Variants in MFHAS1 observed in about 807,000 individuals in gnomAD.
MFHAS1 encodes malignant fibrous histiocytoma-amplified sequence 1.
MFHAS1 carries 50 observed loss-of-function variants against 70.4 expected under a neutral mutation model. The ratio of observed to expected loss-of-function variants is 0.71; its 90% CI spans 0.57 to 0.90. The LOEUF (loss-of-function observed/expected upper bound fraction) is 0.90, where lower values mean the gene tolerates loss of function less well. MFHAS1 is among the 40% of genes least tolerant of loss of function. MFHAS1 has a pLI of 0.00. For missense variants in MFHAS1, 1,795 were observed against 1,347.6 expected (o/e 1.33, Z -5.20); for synonymous variants, 952 against 620.0 (o/e 1.54, Z -7.96).
At chr8:8,858,979 T>A (rs332031) in intron 1 of MFHAS1, among the ~76,000 whole-genome samples, 24,460 of 152,240 alleles carry the variant, frequency 0.16, 2,311 homozygotes, top group African/African-American at 0.26. Context: ...CCAGCGGATG[T>A]TACTTCTTAC....
intron 2 of MFHAS1, among the ~76,000 whole-genome samples, chr8:8,787,111 C>G (rs576184548): frequency 1.3e-5 from 2 of 148,810 alleles, no homozygotes; most frequent in African/African-American, 2.5e-5. Context: ...GACAGAGTCT[C>G]GCTCTGTTGC....
chr8:8,838,721 G>C (rs1178407812), intron 1 of MFHAS1, among the ~76,000 whole-genome samples: 1 of 151,566 alleles, frequency 6.6e-6, no homozygotes, highest in African/African-American at 2.4e-5. Flanking sequence ...GGTGAGGCAG[G>C]AGAATCGGTT....
At chr8:8,835,360 C>A (rs1278089376) in intron 1 of MFHAS1, among the ~76,000 whole-genome samples, 1 of 152,162 alleles carries the variant, frequency 6.6e-6, no homozygotes, top group Non-Finnish European at 1.5e-5. Context: ...TAAACACTAT[C>A]CTGTCCCACG....
chr8:8,861,874 C>A (rs1165469420), intron 1 of MFHAS1, among the ~76,000 whole-genome samples: 2 of 152,198 alleles, frequency 1.3e-5, no homozygotes, highest in Non-Finnish European at 2.9e-5. Flanking sequence ...TGAGAGTCAT[C>A]CATGTCGCTT....
intron 1 of MFHAS1, among the ~76,000 whole-genome samples, chr8:8,827,866 G>C (rs1807222497): frequency 6.6e-6 from 1 of 151,936 alleles, no homozygotes; most frequent in Non-Finnish European, 1.5e-5. Flanking sequence ...ATTTTTATGA[G>C]TTCATTATTT....
intron 1 of MFHAS1, among the ~76,000 whole-genome samples, chr8:8,858,763 G>A (rs1016259843): frequency 6.6e-6 from 1 of 152,074 alleles, no homozygotes; most frequent in South Asian, 2.1e-4. Flanking sequence ...ATGCACAGGT[G>A]GCGTCGAGGT....
intron 1 of MFHAS1, among the ~76,000 whole-genome samples, chr8:8,840,023 T>C (rs1320084524): frequency 1.3e-5 from 2 of 152,212 alleles, no homozygotes; most frequent in South Asian, 2.1e-4. Context: ...CATATACGTA[T>C]ATATACACAT....
Position 8,891,697 on chromosome 8 carries a change from C to G in MFHAS1, c.1362G>C (p.Val454=), listed in dbSNP as rs1273428099. The change falls in exon 1 of 3, where the codon GTG becomes GTC. Residue 454 remains valine, a synonymous_variant. Coordinates refer to ENST00000276282, the MANE Select transcript of MFHAS1 (RefSeq NM_004225.3). This position sits in a 1 kb window ranked among gnomAD's most constrained non-coding sequence, Gnocchi z 5.4. ...AGCTGGTCACCTCGATGCCCTTGCT[C>G]ACAGGGGGAGGTGACGGTGGGTAGC... ...EKCYPPSPPP[V]SKGIEVTSWT... is the part of the protein sequence containing the mutation. 3.1e-6 allele frequency: 5 copies of G among 1,613,534 alleles called. No individual in the cohort carries two copies. Among genetic ancestry groups the G allele is most frequent in the Non-Finnish European group, 4.2e-6 (5 of 1,180,026 alleles).
intron 1 of MFHAS1, among the ~76,000 whole-genome samples, chr8:8,868,465 C>T (rs566050368): frequency 5.3e-5 from 8 of 151,334 alleles, no homozygotes; most frequent in East Asian, 3.9e-4. Context: ...TAGTGCCACT[C>T]GGCTAATACA....
chr8:8,876,390 T>C (rs2116919695), intron 1 of MFHAS1, among the ~76,000 whole-genome samples: 1 of 152,290 alleles, frequency 6.6e-6, no homozygotes, highest in South Asian at 2.1e-4. Flanking sequence ...GAAACTTTGA[T>C]AAGTTGGCAG....
rs192989532 is a variant in MFHAS1, at chr8:8,847,074, T to C, written c.2998+42987A>G. ...ACTCAGAAAAACAATTGTCTTAGAT[T>C]TTTCAGAGGAATCACCAAAATGAGG... On this transcript the variant is annotated intron_variant, in intron 1 of 2. Transcript: ENST00000276282. 2.2e-3 allele frequency among the ~76,000 whole-genome samples: 337 copies of C among 152,348 alleles called. 1 individual carries two copies. Among genetic ancestry groups the C allele is most frequent in the Non-Finnish European group, 4.0e-3 (273 of 68,026 alleles).
At chr8:8,789,368 G>A (rs561438606) in intron 2 of MFHAS1, among the ~76,000 whole-genome samples, 24 of 152,270 alleles carry the variant, frequency 1.6e-4, no homozygotes, top group African/African-American at 5.8e-4. Context: ...CTTTGCGGGA[G>A]GAAGGCAATA....
At chr8:8,835,062 T>C (rs967195534) in intron 1 of MFHAS1, among the ~76,000 whole-genome samples, 1 of 152,110 alleles carries the variant, frequency 6.6e-6, no homozygotes, top group African/African-American at 2.4e-5. Context: ...AAAAAGTACA[T>C]ACTAAATGAC....
chr8:8,815,803 T>C (rs1256780870), intron 1 of MFHAS1, among the ~76,000 whole-genome samples: 3 of 152,212 alleles, frequency 2.0e-5, no homozygotes, highest in African/African-American at 7.2e-5. Flanking sequence ...CGCTCCTAGA[T>C]ATTTACTCAA....
At chr8:8,844,731 T>C (rs1488358335) in intron 1 of MFHAS1, among the ~76,000 whole-genome samples, 1 of 152,208 alleles carries the variant, frequency 6.6e-6, no homozygotes, top group African/African-American at 2.4e-5. Flanking sequence ...AATTGGCATA[T>C]TGGATTACTG....
intron 1 of MFHAS1, among the ~76,000 whole-genome samples, chr8:8,815,098 T>C (rs930666072): frequency 2.6e-5 from 4 of 152,166 alleles, no homozygotes; most frequent in Non-Finnish European, 5.9e-5. Context: ...CTCCCACTTA[T>C]GAGTGACAAC....
chr8:8,846,683 GC>G, intron 1 of MFHAS1, among the ~76,000 whole-genome samples: 2 of 152,024 alleles, frequency 1.3e-5, no homozygotes, highest in Middle Eastern at 3.4e-3. Context: ...CTGTCTCGGG[GC>G]CTCTGCACTT....
rs183935151 is a variant in MFHAS1 at position 8,864,873 on chromosome 8, T to C, written c.2998+25188A>G. On this transcript the variant is annotated intron_variant, in intron 1 of 2. Transcript: ENST00000276282. ...AAAGTTATATAACATGGTGCCGAAA[T>C]TGTCTCATCCAAAAAATTACTTGAG... Among the ~76,000 whole-genome samples, 241 of 152,276 alleles carry C rather than the reference T, an allele frequency of 1.6e-3. 1 individual carries two copies. Among genetic ancestry groups the C allele is most frequent in the South Asian group, 5.0e-3 (24 of 4,824 alleles).
chr8:8,786,583 G>A (rs773029979), intron 2 of MFHAS1, among the ~76,000 whole-genome samples: 4 of 152,140 alleles, frequency 2.6e-5, no homozygotes, highest in African/African-American at 4.8e-5. Context: ...ATAAACTACT[G>A]CAGCCTCAGC....
Sources: allele counts gnomAD v4.1 joint callset (sites outside exome capture counted in the v4.1 genomes callset), GRCh38; gene constraint gnomAD v4.1.1; non-coding constraint Gnocchi (gnomAD v3.1); transcripts MANE v1.5; gene names NCBI Gene and HGNC (gene_info 2026-07-23, HGNC 2026-07-21).